Variants in JDP2 observed in about 807,000 individuals in gnomAD.
JDP2 encodes Jun dimerization protein 2, also known as progesterone receptor co-activator.
In JDP2, 9 loss-of-function variants were observed where a neutral mutation model predicts 17.1. That is an observed-to-expected ratio of 0.53 (90% confidence interval 0.32 to 0.92). JDP2 has a LOEUF of 0.92. Ranked by LOEUF, JDP2 falls within the 40% of genes least tolerant of loss-of-function variation. The pLI, the probability that JDP2 is intolerant of heterozygous loss-of-function variation, is 0.04. For synonymous variants in JDP2, 107 were observed against 95.6 expected (o/e 1.12, Z -0.69); for missense variants, 179 against 220.0 (o/e 0.81, Z 1.18).
chr14:75,445,520 G>A, intron 2 of JDP2: 1 of 985,374 alleles, frequency 1.0e-6, no homozygotes, highest in Non-Finnish European at 1.2e-6. Context: ...TGCCTTTTTG[G>A]AGGCAATGTA....
chr14:75,431,456 G>T (rs1490878086), intron 1 of JDP2, among the ~76,000 whole-genome samples: 1 of 152,208 alleles, frequency 6.6e-6, no homozygotes, highest in Non-Finnish European at 1.5e-5. Flanking sequence ...ATGAAGCAGT[G>T]CAGGGATGGA....
Position 75,446,648 on chromosome 14 carries a change from A to G in JDP2, c.201+8527A>G, listed in dbSNP as rs1885613960. 1.3e-5 allele frequency among the ~76,000 whole-genome samples: 2 copies of G among 152,172 alleles called. 1 individual carries two copies. Among genetic ancestry groups the G allele is most frequent in the African/African-American group, 4.8e-5 (2 of 41,442 alleles). On this transcript the variant is annotated intron_variant, in intron 2 of 3. Transcript: ENST00000651602. ...AGTAGAGCCAGTACTGTGGTTACCT[A>G]GGGGTGGGGAGATGGGAGGAGTGGG... is the stretch of plus-strand genomic sequence containing the variant.
chr14:75,445,999 CAATATT>C (rs1439670109), intron 2 of JDP2, among the ~76,000 whole-genome samples: 1 of 151,916 alleles, frequency 6.6e-6, no homozygotes, highest in Non-Finnish European at 1.5e-5. Flanking sequence ...CAAAAGATCT[CAATATT>C]AATTTCTCCA....
At chr14:75,463,653 A>G (rs1886437722) in intron 3 of JDP2, among the ~76,000 whole-genome samples, 1 of 152,172 alleles carries the variant, frequency 6.6e-6, no homozygotes, top group Non-Finnish European at 1.5e-5. Context: ...GAGGAATGGA[A>G]GGGTTCAAGC....
At chr14:75,459,635 C>A (rs538318453) in intron 2 of JDP2, among the ~76,000 whole-genome samples, 1 of 152,334 alleles carries the variant, frequency 6.6e-6, no homozygotes, top group Non-Finnish European at 1.5e-5. Context: ...GGGCTGAGAC[C>A]TTGTTCCAGG....
intron 3 of JDP2, among the ~76,000 whole-genome samples, chr14:75,463,552 G>A (rs928261373): frequency 6.6e-6 from 1 of 152,166 alleles, no homozygotes; most frequent in African/African-American, 2.4e-5. Flanking sequence ...CACAGCAGGG[G>A]CCCTGTCCTG....
At chr14:75,442,520 G>T (rs544936127) in intron 2 of JDP2, among the ~76,000 whole-genome samples, 28 of 152,286 alleles carry the variant, frequency 1.8e-4, no homozygotes, top group African/African-American at 6.0e-4. Flanking sequence ...AACATTATGA[G>T]CTGTGTCAAC....
intron 2 of JDP2, among the ~76,000 whole-genome samples, chr14:75,443,324 G>A (rs1436691905): frequency 2.6e-5 from 4 of 152,198 alleles, no homozygotes; most frequent in South Asian, 2.1e-4. Context: ...GATTTGAAAC[G>A]TAAAGGCAGC....
rs369025696 is a variant in JDP2 at position 75,471,010 on chromosome 14, C to T, written c.*1535C>T. The T allele has an allele frequency of 2.6e-5, 4 of 152,184 alleles. No individual in the cohort carries two copies. Among genetic ancestry groups the T allele is most frequent in the African/African-American group, 7.2e-5 (3 of 41,434 alleles). The allele number at this position is 152,184 out of a possible 1,614,324, so 9.4% of individuals were successfully genotyped here. ...GGCTCAGAGAAGGTAAGCGACTTAT[C>T]CAAGGTAACCCAGCTAGCAAGGGAT... On this transcript the variant is annotated 3_prime_UTR_variant, in exon 4 of 4. Transcript: ENST00000651602.
chr14:75,458,323 C>T (rs567558571), intron 2 of JDP2, among the ~76,000 whole-genome samples: 2 of 152,276 alleles, frequency 1.3e-5, no homozygotes, highest in East Asian at 3.9e-4. Context: ...CCTCCTCCTA[C>T]CCTCCACCCT....
intron 2 of JDP2, among the ~76,000 whole-genome samples, chr14:75,441,634 C>G (rs1885358257): frequency 6.6e-6 from 1 of 152,240 alleles, no homozygotes; most frequent in Non-Finnish European, 1.5e-5. Context: ...AGTGGTAGGA[C>G]TGCTCATTCT....
At chr14:75,451,698 G>C (rs1885874000) in intron 2 of JDP2, among the ~76,000 whole-genome samples, 1 of 152,174 alleles carries the variant, frequency 6.6e-6, no homozygotes. Flanking sequence ...TGGGTCCAGG[G>C]CATGGAAAAT....
Position 75,470,102 on chromosome 14 carries a change from A to G in JDP2, c.*627A>G, listed in dbSNP as rs1469133887. The G allele has an allele frequency of 6.6e-6, 1 of 151,456 alleles. No individual in the cohort carries two copies. The highest frequency in any genetic ancestry group is 6.6e-5 in the Admixed American group (1 of 15,190). The allele number at this position is 151,456 out of a possible 1,614,324, so 9.4% of individuals were successfully genotyped here. A position where few individuals can be genotyped will look rare whatever the true frequency, so the allele number is the denominator to read the frequency against. ...AGGCGCGGGCGCCCTTCCAAAGCAC[A>G]TACTCACCGAATGTTTACAGACTGG... On this transcript the variant is annotated 3_prime_UTR_variant, in exon 4 of 4. Coordinates refer to ENST00000651602, the MANE Select transcript of JDP2 (RefSeq NM_001135048.2).
chr14:75,471,856 G>T lies in JDP2; in HGVS notation c.*2381G>T. 6.5e-6 allele frequency: 1 copy of T among 152,838 alleles called. No homozygotes were observed. Among genetic ancestry groups the T allele is most frequent in the South Asian group, 1.9e-4 (1 of 5,238 alleles). 9.5% of individuals were successfully genotyped at this position (152,838 alleles called of 1,614,324 possible). On this transcript the variant is annotated 3_prime_UTR_variant, in exon 4 of 4. Transcript: ENST00000651602. ...GGAACCCCTCGCGCTGTAATCCTTT[G>T]ATATTTTTCAAGCCATGAGAAAAAT... is the stretch of plus-strand genomic sequence containing the variant.
At chr14:75,442,301 A>G (rs1279874314) in intron 2 of JDP2, among the ~76,000 whole-genome samples, 3 of 152,070 alleles carry the variant, frequency 2.0e-5, no homozygotes, top group African/African-American at 7.2e-5. Context: ...CAGAATATCT[A>G]CCCACTTAAG....
rs747342418 is a variant in JDP2 at position 75,438,102 on chromosome 14, C to T, written c.182C>T (p.Pro61Leu). ...CTGGAGGTGAAACTGGGCAAGAGGC[C>T]CCAGCCCGTGAAAAGTGAGGTGAGC... ...HFLEVKLGKRPQPVKSELDEE... is the reference protein window; with the variant it reads ...HFLEVKLGKRLQPVKSELDEE... Residue 61 changes from proline to leucine, a missense_variant, in exon 2 of 4, where the codon CCC (proline) becomes CTC (leucine). Transcript: ENST00000651602. The T allele has an allele frequency of 5.6e-6, 9 of 1,610,616 alleles. No homozygotes were observed. The highest frequency in any genetic ancestry group is 1.3e-5 in the African/African-American group (1 of 74,994).
At chr14:75,449,660 T>G (rs1366392143) in intron 2 of JDP2, among the ~76,000 whole-genome samples, 2 of 152,172 alleles carry the variant, frequency 1.3e-5, no homozygotes, top group Non-Finnish European at 2.9e-5. Flanking sequence ...CCCCACTAAG[T>G]CATAAATATG....
At chr14:75,433,235 T>TAGGTTGGTGCAAA (rs1415739592) in intron 1 of JDP2, among the ~76,000 whole-genome samples, 1 of 125,718 alleles carries the variant, frequency 8.0e-6, no homozygotes, top group Non-Finnish European at 1.7e-5. Context: ...TGTAAGGGGT[T>TAGGTTGGTGCAAA]AGGTTGGTGC....
chr14:75,469,199 C>G, intron 3 of JDP2, 91 bp from the exon 4 acceptor site: 1 of 1,214,958 alleles, frequency 8.2e-7, no homozygotes, highest in African/African-American at 1.5e-5. Context: ...CCAGTGCCAG[C>G]CCAGCGTGCC....
Sources: allele counts gnomAD v4.1 joint callset (sites outside exome capture counted in the v4.1 genomes callset), GRCh38; gene constraint gnomAD v4.1.1; transcripts MANE v1.5; gene names NCBI Gene and HGNC (gene_info 2026-07-23, HGNC 2026-07-21).